NFATC1: variants seen among roughly 807,000 people sequenced by gnomAD.
NFATC1 encodes nuclear factor of activated T-cells, cytoplasmic 1.
A neutral mutation model predicts 76.0 loss-of-function variants in NFATC1; 22 were observed. The observed-to-expected ratio is 0.29, with a 90% CI of 0.21 to 0.41. The LOEUF (loss-of-function observed/expected upper bound fraction) is 0.41. NFATC1 is among the 10% of genes least tolerant of loss of function. The pLI is 1.00. For missense variants in NFATC1, 1,357 were observed against 1,337.7 expected, an observed-to-expected ratio of 1.01 and a Z score of -0.23; for synonymous variants, 704 against 613.1, an observed-to-expected ratio of 1.15 and a Z score of -2.19.
chr18:79,405,326 C>A (rs2085397931), intron 1 of NFATC1, among the ~76,000 whole-genome samples: 1 of 152,254 alleles, frequency 6.6e-6, no homozygotes, highest in Admixed American at 6.5e-5. Flanking sequence ...AAGAGCCAGG[C>A]CCTCCGACAC....
At chr18:79,399,436 C>T (rs1393461448) in intron 1 of NFATC1, among the ~76,000 whole-genome samples, 4 of 152,204 alleles carry the variant, frequency 2.6e-5, no homozygotes, top group African/African-American at 7.2e-5. Flanking sequence ...GGCTCCCCTC[C>T]GCCCTCAGAC....
In NFATC1 at chr18:79,468,923, T is replaced by C. The variant is rs547458643; in HGVS notation, c.2092+1341T>C. The stretch of plus-strand genomic sequence containing the variant: ...CCCGGGATTGTGGGGAAGAGCCTCA[T>C]GCTCTGGGACCCCCGGGATTGTGGG... On this transcript the variant is annotated intron_variant, in intron 8 of 9. Coordinates refer to ENST00000427363, the MANE Select transcript of NFATC1 (RefSeq NM_001278669.2). 236 of 124,026 alleles carry C rather than the reference T, an allele frequency of 1.9e-3. 3 individuals are homozygous for C. The highest frequency in any genetic ancestry group is 5.2e-3 in the African/African-American group (154 of 29,478). The allele number at this position is 124,026 out of a possible 1,614,324, so 7.7% of individuals were successfully genotyped here.
chr18:79,486,803 G>C lies in NFATC1; in HGVS notation c.2648G>C (p.Arg883Pro). The C allele has an allele frequency of 6.2e-7, 1 of 1,611,110 alleles. No individual in the cohort carries two copies. Among genetic ancestry groups the C allele is most frequent in the Non-Finnish European group, 8.5e-7 (1 of 1,179,266 alleles). The part of the protein sequence containing the change: ...GRPQHLPSTV[R>P]RDESPTAGPR... ...CCGCAGCACCTGCCGTCCACGGTCCGCAGGGACGAGTCTCCGACTGCCGGG... is the reference window on the plus strand; with the variant it reads ...CCGCAGCACCTGCCGTCCACGGTCCCCAGGGACGAGTCTCCGACTGCCGGG... The change falls in exon 9 of 10, where the codon CGC becomes CCC. Residue 883 changes from arginine to proline, a missense_variant. Transcript: ENST00000427363.
chr18:79,403,603 A>T (rs1383766150), intron 1 of NFATC1, among the ~76,000 whole-genome samples: 3 of 152,218 alleles, frequency 2.0e-5, no homozygotes, highest in Non-Finnish European at 4.4e-5. Context: ...ACTCAGAGGA[A>T]ATTGGCCAAG....
rs1387754608 is a variant in NFATC1, at chr18:79,465,707, T to C, written c.1960-1743T>C. Reference sequence around the variant, plus strand: ...GCTGCTTCTGCTCTAAAGACCCACCTGGTGTAGCTGCTGACTCCATCGCAG... The same window carrying C: ...GCTGCTTCTGCTCTAAAGACCCACCCGGTGTAGCTGCTGACTCCATCGCAG... On this transcript the variant is annotated intron_variant, in intron 7 of 9. Coordinates refer to ENST00000427363, the MANE Select transcript of NFATC1 (RefSeq NM_001278669.2). The surrounding 1 kb of genome is among the most constrained non-coding windows in gnomAD (Gnocchi z 4.2). Among the ~76,000 whole-genome samples, 4 of 152,258 alleles carry C rather than the reference T, an allele frequency of 2.6e-5. No individual in the cohort carries two copies. Among genetic ancestry groups the C allele is most frequent in the Admixed American group, 2.6e-4 (4 of 15,292 alleles).
In NFATC1 at chr18:79,473,665, CGTT is replaced by C. The variant is rs201079867; in HGVS notation, c.2092+6086_2092+6088del. ...AGCGTGTTCTCGCGCTCACTGTCGA[CGTT>C]GTAAACCTGAGGGAAGCGTGTTCTC... On this transcript the variant is annotated intron_variant, in intron 8 of 9. Transcript: ENST00000427363. Among the ~76,000 whole-genome samples the C allele has an allele frequency of 3.3e-3, 480 of 145,358 alleles. 6 individuals are homozygous for C. The highest frequency in any genetic ancestry group is 9.3e-3 in the African/African-American group (361 of 38,766).
At chr18:79,481,288 C>T (rs1029817803) in intron 8 of NFATC1, among the ~76,000 whole-genome samples, 8 of 152,380 alleles carry the variant, frequency 5.3e-5, no homozygotes, top group Admixed American at 1.3e-4. Flanking sequence ...TAAGGCAAGA[C>T]GCGTGCCCTG....
chr18:79,410,142 G>T lies in NFATC1; in HGVS notation c.128-261G>T, dbSNP rs1238113858. On this transcript the variant is annotated intron_variant, in intron 1 of 9. Coordinates refer to ENST00000427363, the MANE Select transcript of NFATC1 (RefSeq NM_001278669.2). This position sits in a 1 kb window ranked among gnomAD's most constrained non-coding sequence, Gnocchi z 6.7. ...CGCCTCTCCCTGGGAAGGACGTTCG[G>T]GGGCTTGTGCTGCTGTTAGGGGAGG... 1 of 760,578 alleles carries T rather than the reference G, an allele frequency of 1.3e-6. No homozygotes were observed. The highest frequency in any genetic ancestry group is 1.7e-5 in the African/African-American group (1 of 59,050). The allele number at this position is 760,578 out of a possible 1,614,324, so 47.1% of individuals were successfully genotyped here.
intron 3 of NFATC1, chr18:79,448,411 G>A: frequency 3.5e-6 from 1 of 285,670 alleles, no homozygotes; most frequent in Non-Finnish European, 6.6e-6. Flanking sequence ...GGTGGGTCAT[G>A]TCCTGCGGGG....
At chr18:79,481,846 CCTGGGGTATAATTCCAGCGCGACCTTGT>C in intron 8 of NFATC1, among the ~76,000 whole-genome samples, 1 of 145,184 alleles carries the variant, frequency 6.9e-6, no homozygotes, top group South Asian at 2.1e-4. Flanking sequence ...TGACCTGGTT[CCTGGGGTATAATTCCAGCGCGACCTTGT>C]TCCTGGGGTG....
intron 9 of NFATC1, among the ~76,000 whole-genome samples, chr18:79,507,377 G>A (rs1333997105): frequency 6.6e-6 from 1 of 152,198 alleles, no homozygotes; most frequent in African/African-American, 2.4e-5. Flanking sequence ...GGAGCCATGC[G>A]AGCGGCCGCG....
intron 1 of NFATC1, among the ~76,000 whole-genome samples, chr18:79,408,087 C>G (rs1231484197): frequency 6.6e-6 from 1 of 152,228 alleles, no homozygotes; most frequent in African/African-American, 2.4e-5. Context: ...GTCCTCTTAC[C>G]AGGCTGCCGT....
rs781365067 is a variant in NFATC1 at position 79,451,004 on chromosome 18, G to A, written c.1640G>A (p.Arg547Gln). 7 of 1,613,890 alleles carry A rather than the reference G, an allele frequency of 4.3e-6. No individual in the cohort carries two copies. The highest frequency in any genetic ancestry group is 1.7e-5 in the Admixed American group (1 of 60,028). Reference sequence around the variant, plus strand: ...CTCAGAAACTCCGACATTGAACTTCGGAAAGGAGAGACGGACATCGGGAGG... The same window carrying A: ...CTCAGAAACTCCGACATTGAACTTCAGAAAGGAGAGACGGACATCGGGAGG... The part of the protein sequence containing the change: ...LKLRNSDIEL[R>Q]KGETDIGRKN... Residue 547 changes from arginine to glutamine, a missense_variant, in exon 5 of 10, where the codon CGG becomes CAG. This residue lies in a region of NFATC1 where 242 missense variants were observed against 329.2 expected (regional missense o/e 0.74). Coordinates refer to ENST00000427363, the MANE Select transcript of NFATC1 (RefSeq NM_001278669.2).
chr18:79,442,216 A>T (rs1000743883), intron 3 of NFATC1, among the ~76,000 whole-genome samples: 1 of 152,150 alleles, frequency 6.6e-6, no homozygotes, highest in South Asian at 2.1e-4. Flanking sequence ...GCTCTTCCGG[A>T]GAGACGTGGA....
chr18:79,482,682 G>A (rs1381096820), intron 8 of NFATC1, among the ~76,000 whole-genome samples: 2 of 136,750 alleles, frequency 1.5e-5, no homozygotes, highest in Non-Finnish European at 3.2e-5. Context: ...GTCCTGGGGT[G>A]TAATTCCAGC....
chr18:79,526,087 C>G (rs1400435933), intron 9 of NFATC1, among the ~76,000 whole-genome samples: 1 of 152,250 alleles, frequency 6.6e-6, no homozygotes, highest in African/African-American at 2.4e-5. Context: ...CCGTCTTTCT[C>G]TCTGCGTTGT....
intron 9 of NFATC1, among the ~76,000 whole-genome samples, chr18:79,517,910 CA>C (rs1231908745): frequency 3.9e-5 from 6 of 152,228 alleles, no homozygotes; most frequent in Non-Finnish European, 2.9e-5. Flanking sequence ...TTATAGTCTT[CA>C]TCTGTGCTAC....
Position 79,451,014 on chromosome 18 carries a change from G to A in NFATC1, c.1650G>A (p.Glu550=), listed in dbSNP as rs373196123. 3 of 1,613,794 alleles carry A rather than the reference G, an allele frequency of 1.9e-6. No individual in the cohort carries two copies. The African/African-American group carries it at 4.0e-5, about 22-fold the overall frequency. ...CCGACATTGAACTTCGGAAAGGAGA[G>A]ACGGACATCGGGAGGAAGAACACAC... The part of the protein sequence containing the change: ...RNSDIELRKG[E]TDIGRKNTRV... Residue 550 remains glutamate, a synonymous_variant, in exon 5 of 10, where the codon GAG becomes GAA. Coordinates refer to ENST00000427363, the MANE Select transcript of NFATC1 (RefSeq NM_001278669.2).
intron 9 of NFATC1, among the ~76,000 whole-genome samples, chr18:79,490,487 A>G (rs112483257): frequency 4.4e-4 from 67 of 152,082 alleles, no homozygotes; most frequent in Non-Finnish European, 5.6e-4. Context: ...TCCCTGATAC[A>G]GGCCTGACAT....
Sources: allele counts gnomAD v4.1 joint callset (sites outside exome capture counted in the v4.1 genomes callset), GRCh38; gene constraint gnomAD v4.1.1; regional missense constraint gnomAD v4.1.1; non-coding constraint Gnocchi (gnomAD v3.1); transcripts MANE v1.5; gene names NCBI Gene and HGNC (gene_info 2026-07-23, HGNC 2026-07-21).